Variants in ATXN7 observed in about 807,000 individuals in gnomAD.
ATXN7 encodes the protein ataxin-7.
Under a neutral mutation model 70.5 loss-of-function variants are expected in ATXN7, and 12 were observed. The ratio of observed to expected loss-of-function variants is 0.17; its 90% CI spans 0.11 to 0.28. The LOEUF (loss-of-function observed/expected upper bound fraction) is 0.28. ATXN7 is among the 10% of genes least tolerant of loss of function. ATXN7 has a pLI of 1.00. For synonymous variants in ATXN7, 498 were observed against 448.7 expected (o/e 1.11, Z -1.39); for missense variants, 1,256 against 1,131.7 (o/e 1.11, Z -1.58).
At position 63,990,230 on chromosome 3, in the gene ATXN7, A is replaced by G; in HGVS notation, c.1416A>G (p.Pro472=). Residue 472 remains proline, a synonymous_variant, in exon 10 of 13, where the codon CCA becomes CCG. Coordinates refer to ENST00000674280, the MANE Select transcript of ATXN7 (RefSeq NM_001377405.1). ...QGGSAPIDPP[P]VHESPHPPLP... is the part of the protein sequence containing the mutation. The stretch of plus-strand genomic sequence containing the variant: ...GGAGTGCCCCCATTGACCCTCCTCC[A>G]GTCCATGAATCTCCACACCCTCCCC... The G allele has an allele frequency of 6.2e-7, 1 of 1,613,796 alleles. No homozygotes were observed. Among genetic ancestry groups the G allele is most frequent in the Non-Finnish European group, 8.5e-7 (1 of 1,179,980 alleles).
chr3:63,987,094 A>G (rs898597990), intron 8 of ATXN7, among the ~76,000 whole-genome samples: 9 of 152,216 alleles, frequency 5.9e-5, no homozygotes, highest in Non-Finnish European at 1.2e-4. Flanking sequence ...TCAACTGCCA[A>G]TAAGATTTGC....
intron 6 of ATXN7, chr3:63,980,678 A>G (rs1159033319): frequency 1.3e-5 from 2 of 159,288 alleles, no homozygotes; most frequent in Admixed American, 1.2e-4. Flanking sequence ...ATATATGTCT[A>G]GCACCTGGCA....
intron 5 of ATXN7, among the ~76,000 whole-genome samples, chr3:63,961,417 G>A (rs983007650): frequency 6.6e-6 from 1 of 152,064 alleles, no homozygotes; most frequent in Non-Finnish European, 1.5e-5. Flanking sequence ...CCTTCTTTGG[G>A]AATGTCTGTC....
rs1221212456 is a variant in ATXN7, at chr3:63,958,005, CTG to C, written c.499+5525_499+5526del. ...TTATATATTGAGCCACTACTGATCA[CTG>C]TGAATGGTATTTGAGTCTGTTGGTG... On this transcript the variant is annotated intron_variant, in intron 5 of 12. Coordinates refer to ENST00000674280, the MANE Select transcript of ATXN7 (RefSeq NM_001377405.1). Among the ~76,000 whole-genome samples, 4 of 152,224 alleles carry C rather than the reference CTG, an allele frequency of 2.6e-5. No homozygotes were observed. In the South Asian group the frequency reaches 6.2e-4, roughly 24 times the overall value.
intron 1 of ATXN7, among the ~76,000 whole-genome samples, chr3:63,897,382 C>T (rs1235833643): frequency 6.6e-6 from 1 of 152,126 alleles, no homozygotes; most frequent in East Asian, 1.9e-4. Flanking sequence ...GAGAGGGAAG[C>T]AGTATGACCT....
chr3:63,978,406 C>CT (rs1318159258), intron 5 of ATXN7, among the ~76,000 whole-genome samples: 2 of 152,178 alleles, frequency 1.3e-5, no homozygotes, highest in African/African-American at 2.4e-5. Flanking sequence ...GCTGTATCGT[C>CT]TAAGGCAGGT....
In ATXN7 at chr3:63,933,420, C is replaced by T. The variant is rs1297344332; in HGVS notation, c.395-18959C>T. On this transcript the variant is annotated intron_variant, in intron 4 of 12. Coordinates refer to ENST00000674280, the MANE Select transcript of ATXN7 (RefSeq NM_001377405.1). The stretch of plus-strand genomic sequence containing the variant: ...TAGGCTTCCTGGTTATAATAATGTT[C>T]TTCATCCAGCATCTGAAAGTACCTA... Among the ~76,000 whole-genome samples, 5 of 152,294 alleles carry T rather than the reference C, an allele frequency of 3.3e-5. 1 individual carries two copies. Among genetic ancestry groups the T allele is most frequent in the Non-Finnish European group, 4.4e-5 (3 of 68,024 alleles).
intron 6 of ATXN7, chr3:63,980,494 A>G (rs2075468278): frequency 4.1e-6 from 1 of 245,068 alleles, no homozygotes; most frequent in Non-Finnish European, 8.0e-6. Flanking sequence ...TTTCCAGATG[A>G]GGAGAAGGAA....
Position 63,948,835 on chromosome 3 carries a change from A to C in ATXN7, c.395-3544A>C, listed in dbSNP as rs76263380. On this transcript the variant is annotated intron_variant, in intron 4 of 12. Coordinates refer to ENST00000674280, the MANE Select transcript of ATXN7 (RefSeq NM_001377405.1). ...ACTAATTGGAACATAGGGGTGACCT[A>C]AATCCTGAGAAAGATTTAGGGCTTA... is the stretch of plus-strand genomic sequence containing the variant. Among the ~76,000 whole-genome samples the C allele has an allele frequency of 8.6e-3, 1,307 of 152,294 alleles. 19 individuals are homozygous for C. Among genetic ancestry groups the C allele is most frequent in the African/African-American group, 0.028 (1,173 of 41,538 alleles).
intron 12 of ATXN7, 41 bp from the exon 13 acceptor site, chr3:63,999,409 C>A: frequency 1.3e-6 from 2 of 1,528,792 alleles, no homozygotes; most frequent in Non-Finnish European, 1.8e-6. Flanking sequence ...CAAACGCTTA[C>A]TTACCATTTC....
chr3:63,999,967 G>A lies in ATXN7; in HGVS notation c.*500G>A, dbSNP rs967754958. 6.0e-6 allele frequency: 1 copy of A among 165,630 alleles called. No homozygotes were observed. The highest frequency in any genetic ancestry group is 2.4e-5 in the African/African-American group (1 of 41,780). 10.3% of individuals were successfully genotyped at this position (165,630 alleles called of 1,614,324 possible). A position where few individuals can be genotyped will look rare whatever the true frequency, so the allele number is the denominator to read the frequency against. Reference sequence around the variant, plus strand: ...CCAGAAACCTTCCAGAGAACACAGGGCTGCATCCCGAGCAACCCTCTGAAG... The same window carrying A: ...CCAGAAACCTTCCAGAGAACACAGGACTGCATCCCGAGCAACCCTCTGAAG... On this transcript the variant is annotated 3_prime_UTR_variant, in exon 13 of 13. Coordinates refer to ENST00000674280, the MANE Select transcript of ATXN7 (RefSeq NM_001377405.1).
intron 1 of ATXN7, among the ~76,000 whole-genome samples, chr3:63,888,703 G>A (rs1315409458): frequency 6.6e-6 from 1 of 152,110 alleles, no homozygotes; most frequent in African/African-American, 2.4e-5. Flanking sequence ...TTGAACCTGG[G>A]AGGCAGAGGT....
At chr3:63,951,502 A>T (rs1489938918) in intron 4 of ATXN7, among the ~76,000 whole-genome samples, 1 of 152,228 alleles carries the variant, frequency 6.6e-6, no homozygotes. Flanking sequence ...CAGATATTCT[A>T]AAGAGTGAAT....
intron 4 of ATXN7, among the ~76,000 whole-genome samples, chr3:63,948,310 A>G (rs766917217): frequency 6.6e-6 from 1 of 152,146 alleles, no homozygotes; most frequent in Non-Finnish European, 1.5e-5. Context: ...GAATAGTATC[A>G]TTTACCCAAA....
At chr3:63,990,100 C>G in intron 9 of ATXN7, 76 bp from the exon 10 acceptor site, 4 of 1,433,668 alleles carry the variant, frequency 2.8e-6, no homozygotes, top group Non-Finnish European at 3.9e-6. Context: ...GTTTTGGACA[C>G]ACTGTTGTAT....
rs149448191 is a variant in ATXN7 at position 63,879,218 on chromosome 3, C to G, written c.-111+15060C>G. Among the ~76,000 whole-genome samples the G allele has an allele frequency of 5.5e-3, 843 of 152,272 alleles. 6 individuals carry two copies. The highest frequency in any genetic ancestry group is 9.2e-3 in the Non-Finnish European group (628 of 68,022). On this transcript the variant is annotated intron_variant, in intron 1 of 12. Coordinates refer to ENST00000674280, the MANE Select transcript of ATXN7 (RefSeq NM_001377405.1). ...AAATAGCCCAAAGAGTTACCCTACT[C>G]TTATCAGAGAAATTAAATATTCAAA...
intron 5 of ATXN7, among the ~76,000 whole-genome samples, chr3:63,972,534 A>G (rs1439197436): frequency 2.6e-5 from 4 of 152,228 alleles, no homozygotes; most frequent in African/African-American, 9.6e-5. Context: ...AAATCTGCCC[A>G]AAATTTCCAC....
chr3:63,975,221 C>T (rs887943931), intron 5 of ATXN7, among the ~76,000 whole-genome samples: 2 of 152,100 alleles, frequency 1.3e-5, no homozygotes, highest in African/African-American at 4.8e-5. Flanking sequence ...TAGTAGTTAG[C>T]CACTTGCATG....
chr3:63,894,240 C>T (rs1476857484), intron 1 of ATXN7, among the ~76,000 whole-genome samples: 1 of 152,176 alleles, frequency 6.6e-6, no homozygotes, highest in African/African-American at 2.4e-5. Flanking sequence ...GGAAAGTTGG[C>T]CCCTGTGGCC....
Sources: allele counts gnomAD v4.1 joint callset (sites outside exome capture counted in the v4.1 genomes callset), GRCh38; gene constraint gnomAD v4.1.1; transcripts MANE v1.5; gene names NCBI Gene and HGNC (gene_info 2026-07-23, HGNC 2026-07-21).